Variants in CDH12 observed in about 807,000 individuals in gnomAD.
CDH12 encodes the protein cadherin 12.
CDH12 carries 41 observed loss-of-function variants against 74.1 expected under a neutral mutation model. The ratio of observed to expected loss-of-function variants is 0.55; its 90% CI spans 0.43 to 0.72. The LOEUF is 0.72. CDH12 is among the 30% of genes least tolerant of loss of function. The pLI, the probability that CDH12 is intolerant of heterozygous loss-of-function variation, is 0.00. For synonymous variants in CDH12, 399 were observed against 355.0 expected, an observed-to-expected ratio of 1.12 and a Z score of -1.39; for missense variants, 945 against 977.2, an observed-to-expected ratio of 0.97 and a Z score of 0.44.
chr5:21,970,870 A>AAAAAAAAAAAAAAAAC (rs1756821720), intron 6 of CDH12, among the ~76,000 whole-genome samples: 1 of 144,586 alleles, frequency 6.9e-6, no homozygotes, highest in African/African-American at 2.7e-5. Flanking sequence ...AAAAAAAAAA[A>AAAAAAAAAAAAAAAAC]AAAAGAAAAA....
intron 3 of CDH12, among the ~76,000 whole-genome samples, chr5:22,271,069 G>A (rs1328701231): frequency 6.6e-6 from 1 of 151,892 alleles, no homozygotes; most frequent in African/African-American, 2.4e-5. Context: ...ATTTATCTGT[G>A]GGTTTCTCTG....
intron 1 of CDH12, among the ~76,000 whole-genome samples, chr5:22,648,595 C>T (rs1739564903): frequency 2.0e-5 from 3 of 151,826 alleles, no homozygotes; most frequent in African/African-American, 7.2e-5. Context: ...CACATACACG[C>T]AGGTTTAAAT....
At chr5:22,741,103 G>T (rs550914330) in intron 1 of CDH12, among the ~76,000 whole-genome samples, 3 of 152,176 alleles carry the variant, frequency 2.0e-5, no homozygotes, top group South Asian at 2.1e-4. Context: ...ATTACAAAAG[G>T]TTATTTCTGA....
chr5:22,742,417 G>T (rs531769040), intron 1 of CDH12, among the ~76,000 whole-genome samples: 2 of 152,120 alleles, frequency 1.3e-5, no homozygotes, highest in East Asian at 3.9e-4. Flanking sequence ...AGACCACATG[G>T]CTTGCTCTAA....
chr5:22,173,536 A>C (rs537290678), intron 4 of CDH12, among the ~76,000 whole-genome samples: 27 of 151,318 alleles, frequency 1.8e-4, no homozygotes, highest in South Asian at 1.5e-3. Flanking sequence ...CTGGACATCC[A>C]AATAGAATCC....
intron 5 of CDH12, among the ~76,000 whole-genome samples, chr5:21,994,260 A>C (rs950543292): frequency 6.6e-6 from 1 of 152,104 alleles, no homozygotes; most frequent in African/African-American, 2.4e-5. Flanking sequence ...CCTTCTAAAA[A>C]TGGAGAAAAT....
chr5:22,211,177 T>C (rs573261341), intron 4 of CDH12, among the ~76,000 whole-genome samples: 1 of 152,228 alleles, frequency 6.6e-6, no homozygotes, highest in East Asian at 1.9e-4. Flanking sequence ...AAGAGATCCA[T>C]AGAAGAAAAG....
chr5:21,961,403 C>T lies in CDH12; in HGVS notation c.526+13688G>A, dbSNP rs920409059. Among the ~76,000 whole-genome samples the T allele has an allele frequency of 3.2e-4, 48 of 152,184 alleles. 1 individual carries two copies. The highest frequency in any genetic ancestry group is 2.6e-3 in the Admixed American group (39 of 15,278). On this transcript the variant is annotated intron_variant, in intron 6 of 14. Coordinates refer to ENST00000382254, the MANE Select transcript of CDH12 (RefSeq NM_004061.5). Reference sequence around the variant, plus strand: ...ACTCTGTCTCAAAAAAAAATGCATTCATTGTACAGAGCATATAGTTTTGTC... The same window carrying T: ...ACTCTGTCTCAAAAAAAAATGCATTTATTGTACAGAGCATATAGTTTTGTC...
intron 2 of CDH12, among the ~76,000 whole-genome samples, chr5:22,461,493 A>C (rs1158191389): frequency 4.0e-5 from 6 of 151,478 alleles, no homozygotes; most frequent in African/African-American, 1.2e-4. Flanking sequence ...AAAAAAAAAA[A>C]ACCTGCATTC....
intron 1 of CDH12, among the ~76,000 whole-genome samples, chr5:22,793,471 T>C (rs1748023526): frequency 1.3e-5 from 2 of 152,224 alleles, no homozygotes; most frequent in African/African-American, 4.8e-5. Flanking sequence ...TCTAAAGGAA[T>C]GTGCTAGAAC....
chr5:22,302,031 A>T (rs1737906940), intron 3 of CDH12, among the ~76,000 whole-genome samples: 1 of 150,792 alleles, frequency 6.6e-6, no homozygotes, highest in East Asian at 1.9e-4. Context: ...AGAGAGAGAG[A>T]GTGAGTGAGA....
chr5:22,199,116 G>A (rs1287661071), intron 4 of CDH12, among the ~76,000 whole-genome samples: 2 of 152,082 alleles, frequency 1.3e-5, no homozygotes, highest in African/African-American at 4.8e-5. Flanking sequence ...TTAAAACAAG[G>A]AAATGCTTAC....
At chr5:22,221,628 T>A (rs1325597821) in intron 3 of CDH12, among the ~76,000 whole-genome samples, 8 of 151,854 alleles carry the variant, frequency 5.3e-5, no homozygotes, top group Admixed American at 5.3e-4. Flanking sequence ...TTGATATTAT[T>A]TTATTGCAGA....
At chr5:21,874,586 C>T (rs1261309309) in intron 6 of CDH12, among the ~76,000 whole-genome samples, 1 of 152,088 alleles carries the variant, frequency 6.6e-6, no homozygotes, top group African/African-American at 2.4e-5. Flanking sequence ...CCTTTCAGTC[C>T]CCTCCCATTG....
chr5:22,376,658 A>C (rs1009622340), intron 3 of CDH12, among the ~76,000 whole-genome samples: 1 of 149,280 alleles, frequency 6.7e-6, no homozygotes, highest in African/African-American at 2.5e-5. Context: ...CTGGGACTAC[A>C]GGCATGTGCC....
chr5:22,814,047 C>A (rs546005598), intron 1 of CDH12, among the ~76,000 whole-genome samples: 1 of 152,044 alleles, frequency 6.6e-6, no homozygotes, highest in Non-Finnish European at 1.5e-5. Flanking sequence ...ATATGTTTGG[C>A]AAAAGTCTAT....
At chr5:21,875,374 C>T (rs1377928708) in intron 6 of CDH12, among the ~76,000 whole-genome samples, 2 of 152,150 alleles carry the variant, frequency 1.3e-5, no homozygotes, top group Non-Finnish European at 2.9e-5. Flanking sequence ...AATTTCTTAG[C>T]TTAATAACTG....
At chr5:22,460,830 C>A (rs537125542) in intron 2 of CDH12, among the ~76,000 whole-genome samples, 97 of 141,420 alleles carry the variant, frequency 6.9e-4, no homozygotes, top group African/African-American at 2.5e-3. Flanking sequence ...AAGTGATTCT[C>A]CTGCCTTGAT....
At chr5:22,200,765 T>A (rs1443965697) in intron 4 of CDH12, among the ~76,000 whole-genome samples, 5 of 152,206 alleles carry the variant, frequency 3.3e-5, no homozygotes, top group African/African-American at 1.2e-4. Context: ...TAAATAACTA[T>A]ATTTTTAATT....
Sources: allele counts gnomAD v4.1 joint callset (sites outside exome capture counted in the v4.1 genomes callset), GRCh38; gene constraint gnomAD v4.1.1; transcripts MANE v1.5; gene names NCBI Gene and HGNC (gene_info 2026-07-23, HGNC 2026-07-21).